Variants in RGS6 observed in about 807,000 individuals in gnomAD.
RGS6 encodes regulator of G-protein signaling 6.
A neutral mutation model predicts 78.5 loss-of-function variants in RGS6; 30 were observed. The observed-to-expected ratio is 0.38, with a 90% confidence interval of 0.29 to 0.52. The LOEUF (loss-of-function observed/expected upper bound fraction) is 0.52, where lower values mean the gene tolerates loss of function less well. RGS6 is among the 20% of genes least tolerant of loss of function. RGS6 has a pLI of 0.85. For synonymous variants in RGS6, 206 were observed against 206.0 expected, an observed-to-expected ratio of 1.00 and a Z score of 0.00; for missense variants, 495 against 609.7, an observed-to-expected ratio of 0.81 and a Z score of 1.98.
At chr14:72,328,878 A>AT (rs1164423906) in intron 2 of RGS6, among the ~76,000 whole-genome samples, 16 of 152,136 alleles carry the variant, frequency 1.1e-4, no homozygotes, top group Admixed American at 4.6e-4. Context: ...TATTTTATTT[A>AT]TTTATTTTTT....
the RGS6 span, among the ~76,000 whole-genome samples, chr14:72,599,694 G>C: frequency 1.3e-5 from 2 of 150,854 alleles, no homozygotes; most frequent in African/African-American, 4.9e-5. Context: ...AAAGTGCTGG[G>C]ATTACAAGCA....
intron 2 of RGS6, among the ~76,000 whole-genome samples, chr14:72,088,551 TCTTGTTCGGATAA>T (rs1178283423): frequency 1.3e-5 from 2 of 152,170 alleles, no homozygotes; most frequent in African/African-American, 4.8e-5. Context: ...TACCATCATC[TCTTGTTCGGATAA>T]CTATGAGATT....
chr14:72,197,531 G>T (rs1215379662), intron 2 of RGS6, among the ~76,000 whole-genome samples: 3 of 152,184 alleles, frequency 2.0e-5, no homozygotes, highest in African/African-American at 7.2e-5. Context: ...GGGCTACAGT[G>T]GGTAGGGAGT....
intron 2 of RGS6, among the ~76,000 whole-genome samples, chr14:71,983,779 T>C (rs1169672683): frequency 6.6e-6 from 1 of 152,240 alleles, no homozygotes; most frequent in Non-Finnish European, 1.5e-5. Flanking sequence ...TCAAAGACCC[T>C]AATTTCCAAA....
At chr14:72,386,330 G>T (rs533413998) in intron 3 of RGS6, among the ~76,000 whole-genome samples, 1 of 152,258 alleles carries the variant, frequency 6.6e-6, no homozygotes, top group East Asian at 1.9e-4. Flanking sequence ...CAGAGCTCAG[G>T]AGTTCGAGAC....
intron 15 of RGS6, among the ~76,000 whole-genome samples, chr14:72,533,872 A>G (rs969472062): frequency 1.3e-5 from 2 of 152,256 alleles, no homozygotes. Context: ...GTTTCTTGAG[A>G]TGGAATCTAC....
At chr14:72,263,274 A>C (rs1391562751) in intron 2 of RGS6, among the ~76,000 whole-genome samples, 1 of 152,236 alleles carries the variant, frequency 6.6e-6, no homozygotes, top group Non-Finnish European at 1.5e-5. Flanking sequence ...TTATATGTGT[A>C]AGAGATTCTA....
chr14:72,567,144 A>G (rs1199134562), downstream of RGS6, among the ~76,000 whole-genome samples: 1 of 152,184 alleles, frequency 6.6e-6, no homozygotes, highest in East Asian at 1.9e-4. Context: ...TTTTGCTCCT[A>G]AAGGTAGAAA....
intron 2 of RGS6, among the ~76,000 whole-genome samples, chr14:72,075,969 C>T (rs2094559294): frequency 6.6e-6 from 1 of 152,216 alleles, no homozygotes; most frequent in Non-Finnish European, 1.5e-5. Flanking sequence ...AGCCTTGATA[C>T]ATTCCTCAAA....
At chr14:71,915,587 C>T in the RGS6 span, among the ~76,000 whole-genome samples, 15 of 152,146 alleles carry the variant, frequency 9.9e-5, no homozygotes, top group African/African-American at 3.1e-4. Context: ...TTTGTATAGC[C>T]TATGTCAGTT....
chr14:72,456,099 A>G (rs2095622390), intron 4 of RGS6, among the ~76,000 whole-genome samples: 1 of 152,160 alleles, frequency 6.6e-6, no homozygotes, highest in African/African-American at 2.4e-5. Flanking sequence ...TTATACTCTG[A>G]TGCCCTTGGG....
chr14:72,153,482 A>T (rs2153641759), intron 2 of RGS6, among the ~76,000 whole-genome samples: 1 of 152,328 alleles, frequency 6.6e-6, no homozygotes, highest in South Asian at 2.1e-4. Flanking sequence ...GAGATCCCTC[A>T]TTCTTCTCAT....
At chr14:72,304,603 G>A (rs924382139) in intron 2 of RGS6, among the ~76,000 whole-genome samples, 9 of 152,154 alleles carry the variant, frequency 5.9e-5, no homozygotes, top group South Asian at 2.1e-4. Context: ...TTGGCCAGGC[G>A]CAGTGGCTCA....
the RGS6 span, among the ~76,000 whole-genome samples, chr14:71,909,991 C>A: frequency 6.6e-6 from 1 of 152,082 alleles, no homozygotes; most frequent in East Asian, 1.9e-4. Context: ...AGTTTGAGAC[C>A]AGCCTGGGCA....
intron 6 of RGS6, among the ~76,000 whole-genome samples, chr14:72,463,727 A>G (rs1005887303): frequency 5.3e-5 from 8 of 152,242 alleles, no homozygotes; most frequent in African/African-American, 1.9e-4. Context: ...GCACTGCTCA[A>G]AGGTAATCAT....
chr14:72,407,227 C>G (rs1171328066), intron 3 of RGS6, among the ~76,000 whole-genome samples: 1 of 152,214 alleles, frequency 6.6e-6, no homozygotes, highest in Non-Finnish European at 1.5e-5. Context: ...TGCATTCTCT[C>G]TGTGTCCATG....
At chr14:72,241,962 A>C (rs1408291668) in intron 2 of RGS6, among the ~76,000 whole-genome samples, 1 of 152,232 alleles carries the variant, frequency 6.6e-6, no homozygotes, top group African/African-American at 2.4e-5. Context: ...TGAATTCGGA[A>C]ACTTGAATGA....
intron 2 of RGS6, among the ~76,000 whole-genome samples, chr14:72,150,363 C>T (rs551906329): frequency 2.6e-5 from 4 of 152,174 alleles, no homozygotes; most frequent in African/African-American, 4.8e-5. Flanking sequence ...TTCCAGACTT[C>T]GGGCCTCTAA....
intron 2 of RGS6, among the ~76,000 whole-genome samples, chr14:72,252,161 C>G (rs1054513249): frequency 3.9e-5 from 6 of 152,306 alleles, no homozygotes; most frequent in Admixed American, 6.5e-5. Flanking sequence ...GAATGCAAAT[C>G]TGCATTATCT....
Sources: allele counts gnomAD v4.1 joint callset (sites outside exome capture counted in the v4.1 genomes callset), GRCh38; gene constraint gnomAD v4.1.1; transcripts MANE v1.5; gene names NCBI Gene and HGNC (gene_info 2026-07-23, HGNC 2026-07-21).